CACNB2: variants seen among roughly 807,000 people sequenced by gnomAD.
CACNB2 encodes the protein calcium voltage-gated channel auxiliary subunit beta 2.
A neutral mutation model predicts 73.3 loss-of-function variants in CACNB2; 42 were observed. That is an observed-to-expected ratio of 0.57 (90% CI 0.45 to 0.74). CACNB2 has a LOEUF of 0.74. CACNB2 is among the 30% of genes least tolerant of loss of function. The pLI is 0.00. For missense variants in CACNB2, 940 were observed against 853.0 expected, an observed-to-expected ratio of 1.10 and a Z score of -1.27; for synonymous variants, 348 against 310.3, an observed-to-expected ratio of 1.12 and a Z score of -1.28.
At chr10:18,203,058 C>A (rs2034950562) in intron 2 of CACNB2, among the ~76,000 whole-genome samples, 1 of 152,184 alleles carries the variant, frequency 6.6e-6, no homozygotes. Context: ...AAATATCAGA[C>A]TACAGGGTCT....
intron 2 of CACNB2, among the ~76,000 whole-genome samples, chr10:18,370,244 C>T (rs1589160500): frequency 6.6e-6 from 1 of 152,182 alleles, no homozygotes; most frequent in Non-Finnish European, 1.5e-5. Context: ...ACCAGGAGTG[C>T]CGGCATTACC....
At chr10:18,447,260 A>G (rs375996907) in intron 3 of CACNB2, among the ~76,000 whole-genome samples, 3 of 152,160 alleles carry the variant, frequency 2.0e-5, no homozygotes, top group African/African-American at 7.2e-5. Context: ...AAAATGTGTT[A>G]AATTTGAGGC....
At chr10:18,188,936 C>T (rs182064974) in intron 2 of CACNB2, among the ~76,000 whole-genome samples, 2 of 152,076 alleles carry the variant, frequency 1.3e-5, no homozygotes, top group Admixed American at 6.5e-5. Context: ...GGATAAGAAC[C>T]GCACTTGAGA....
intron 2 of CACNB2, among the ~76,000 whole-genome samples, chr10:18,362,851 T>G (rs1464624058): frequency 1.3e-5 from 2 of 151,956 alleles, no homozygotes; most frequent in African/African-American, 2.4e-5. Context: ...GAGGTTGCAG[T>G]GAGCTGAGAT....
At chr10:18,486,029 C>A (rs1175832023) in intron 3 of CACNB2, among the ~76,000 whole-genome samples, 1 of 151,304 alleles carries the variant, frequency 6.6e-6, no homozygotes, top group East Asian at 1.9e-4. Flanking sequence ...ATGTTATTAG[C>A]AATTGACAGT....
At chr10:18,248,926 A>G (rs2036977728) in intron 2 of CACNB2, among the ~76,000 whole-genome samples, 1 of 152,002 alleles carries the variant, frequency 6.6e-6, no homozygotes, top group African/African-American at 2.4e-5. Flanking sequence ...ATAGTGGGGG[A>G]AAAAGACCAC....
At chr10:18,178,524 T>G (rs975284449) in intron 2 of CACNB2, among the ~76,000 whole-genome samples, 1 of 152,236 alleles carries the variant, frequency 6.6e-6, no homozygotes, top group Non-Finnish European at 1.5e-5. Flanking sequence ...TCTTCTTTTT[T>G]GATTCCTTTT....
chr10:18,149,928 T>C (rs1427667755), intron 1 of CACNB2, among the ~76,000 whole-genome samples: 2 of 152,226 alleles, frequency 1.3e-5, no homozygotes, highest in Admixed American at 6.5e-5. Context: ...TATTATTTCA[T>C]CTAATACTTA....
chr10:18,535,816 T>A (rs1415226572), intron 11 of CACNB2, among the ~76,000 whole-genome samples: 1 of 152,094 alleles, frequency 6.6e-6, no homozygotes, highest in Non-Finnish European at 1.5e-5. Context: ...AGATTTATTG[T>A]GAATTTTTAA....
intron 9 of CACNB2, among the ~76,000 whole-genome samples, chr10:18,526,918 A>G (rs1175368212): frequency 2.6e-5 from 4 of 152,188 alleles, no homozygotes; most frequent in African/African-American, 9.7e-5. Flanking sequence ...ACTTAGTTAC[A>G]TACATACCCT....
intron 3 of CACNB2, among the ~76,000 whole-genome samples, chr10:18,439,638 ATAT>A (rs1383790801): frequency 1.3e-5 from 2 of 152,218 alleles, no homozygotes; most frequent in Admixed American, 6.5e-5. Flanking sequence ...GTAACCCTTC[ATAT>A]TATCACACTG....
chr10:18,495,815 A>G (rs2049777547), intron 3 of CACNB2, among the ~76,000 whole-genome samples: 1 of 152,074 alleles, frequency 6.6e-6, no homozygotes, highest in South Asian at 2.1e-4. Context: ...AACTTTATAT[A>G]CTTAAGAACA....
chr10:18,150,855 C>CGTTTT, intron 1 of CACNB2, 28 bp from the exon 2 acceptor site: 1 of 483,392 alleles, frequency 2.1e-6, no homozygotes, highest in Non-Finnish European at 3.1e-6. Context: ...TCTTATTTGT[C>CGTTTT]TTTTTTTTTT....
chr10:18,539,269 A>G lies in CACNB2; in HGVS notation c.1528A>G (p.Ile510Val), dbSNP rs763170043. 2 of 1,613,900 alleles carry G rather than the reference A, an allele frequency of 1.2e-6. No individual in the cohort carries two copies. Among genetic ancestry groups the G allele is most frequent in the Non-Finnish European group, 1.7e-6 (2 of 1,179,984 alleles). The change falls in exon 14 of 14, where the codon ATC (isoleucine) becomes GTC (valine). Residue 510 changes from isoleucine (I) to valine (V), a missense_variant. Ile to Val is a conservative substitution (Grantham distance 29). Coordinates refer to ENST00000324631, the MANE Select transcript of CACNB2 (RefSeq NM_201596.3). Reference sequence around the variant, plus strand: ...TCAGAGGACTGATCGCTCCGCTCCTATCCGTTCTGCTTCCCAAGCTGAAGA... The same window carrying G: ...TCAGAGGACTGATCGCTCCGCTCCTGTCCGTTCTGCTTCCCAAGCTGAAGA... The part of the protein sequence containing the change: ...GDQRTDRSAP[I>V]RSASQAEEEP...
intron 3 of CACNB2, among the ~76,000 whole-genome samples, chr10:18,441,229 C>T (rs1164195643): frequency 1.3e-5 from 2 of 152,128 alleles, no homozygotes; most frequent in East Asian, 1.9e-4. Context: ...CATGGTGAAA[C>T]CCCGTCTCTA....
intron 2 of CACNB2, among the ~76,000 whole-genome samples, chr10:18,388,538 G>A (rs1564494613): frequency 6.6e-6 from 1 of 152,114 alleles, no homozygotes; most frequent in Non-Finnish European, 1.5e-5. Context: ...ATCCCTGATG[G>A]TGTAGCCTGT....
At chr10:18,296,554 C>T (rs755509811) in intron 2 of CACNB2, among the ~76,000 whole-genome samples, 17 of 152,064 alleles carry the variant, frequency 1.1e-4, no homozygotes, top group Non-Finnish European at 1.8e-4. Context: ...CAGGTGGCTT[C>T]AGTGAATATG....
At chr10:18,494,200 T>C (rs114362051) in intron 3 of CACNB2, among the ~76,000 whole-genome samples, 2,499 of 152,268 alleles carry the variant, frequency 0.016, 50 homozygotes, top group African/African-American at 0.049. Context: ...ACTCAGATGA[T>C]TGAAAAGTGA....
chr10:18,513,928 A>G (rs182442403), intron 6 of CACNB2, among the ~76,000 whole-genome samples: 110 of 152,388 alleles, frequency 7.2e-4, no homozygotes, highest in Non-Finnish European at 1.3e-3. Flanking sequence ...TACAGTTGAT[A>G]CAGAGAAAAT....
Sources: gnomAD v4.1 joint callset for allele counts (sites outside exome capture counted in the v4.1 genomes callset) on GRCh38, gnomAD v4.1.1 for gene constraint, MANE v1.5 for transcripts, NCBI Gene and HGNC (gene_info 2026-07-23, HGNC 2026-07-21) for gene names.